Variants in CBFA2T2 observed in about 807,000 individuals in gnomAD.
CBFA2T2 encodes the protein CBFA2/RUNX1 partner transcriptional co-repressor 2.
Under a neutral mutation model 62.2 loss-of-function variants are expected in CBFA2T2, and 11 were observed. The observed-to-expected ratio is 0.18, with a 90% CI of 0.11 to 0.29. The LOEUF (loss-of-function observed/expected upper bound fraction) is 0.29. Among genes scored for constraint, CBFA2T2 ranks in the 10% least tolerant of loss-of-function variants. The probability of loss-of-function intolerance (pLI) is 1.00; values close to 1 mark genes in which losing one functional copy is unlikely to be tolerated. For synonymous variants in CBFA2T2, 295 were observed against 287.5 expected (o/e 1.03, Z -0.27); for missense variants, 592 against 774.1 (o/e 0.76, Z 2.79).
intron 1 of CBFA2T2, among the ~76,000 whole-genome samples, chr20:33,562,965 A>T (rs2013145058): frequency 6.6e-6 from 1 of 152,184 alleles, no homozygotes; most frequent in African/African-American, 2.4e-5. Context: ...ATATTTCTGT[A>T]AGGTTTTCCA....
intron 3 of CBFA2T2, among the ~76,000 whole-genome samples, chr20:33,615,007 C>A (rs568747385): frequency 6.6e-6 from 1 of 152,178 alleles, no homozygotes; most frequent in Non-Finnish European, 1.5e-5. Context: ...TATGAACATT[C>A]TTTTACACGT....
At chr20:33,594,244 C>T (rs888727202) in intron 1 of CBFA2T2, among the ~76,000 whole-genome samples, 2 of 151,796 alleles carry the variant, frequency 1.3e-5, no homozygotes, top group Non-Finnish European at 2.9e-5. Flanking sequence ...TTTTTTGAGA[C>T]GGAGTCTCAC....
chr20:33,527,746 G>C (rs1447247156), intron 1 of CBFA2T2, among the ~76,000 whole-genome samples: 1 of 151,286 alleles, frequency 6.6e-6, no homozygotes, highest in Admixed American at 6.6e-5. Flanking sequence ...GTTTTGCCTT[G>C]TTAACCAGTT....
intron 3 of CBFA2T2, chr20:33,618,443 C>G (rs1444672774): frequency 2.0e-5 from 3 of 152,118 alleles, no homozygotes; most frequent in African/African-American, 7.2e-5. Flanking sequence ...GTTCATTCCC[C>G]TTAGCAGAGT....
intron 3 of CBFA2T2, among the ~76,000 whole-genome samples, chr20:33,617,541 C>G (rs966222267): frequency 6.6e-6 from 1 of 152,162 alleles, no homozygotes; most frequent in African/African-American, 2.4e-5. Context: ...CCATCCTTTC[C>G]CCTTGTCTAC....
At chr20:33,629,605 C>T in intron 7 of CBFA2T2, 114 bp from the exon 8 acceptor site, 4 of 950,578 alleles carry the variant, frequency 4.2e-6, no homozygotes, top group Non-Finnish European at 6.4e-6. Context: ...ACTTGATATT[C>T]CTAAATCTGT....
intron 1 of CBFA2T2, chr20:33,573,854 C>T (rs2013687904): frequency 9.0e-6 from 2 of 222,572 alleles, no homozygotes; most frequent in South Asian, 6.1e-5. Context: ...CATCATGGCT[C>T]ACTGCAGCCT....
intron 3 of CBFA2T2, among the ~76,000 whole-genome samples, chr20:33,614,526 C>T (rs528990696): frequency 6.6e-6 from 1 of 152,278 alleles, no homozygotes; most frequent in South Asian, 2.1e-4. Context: ...CTCTTTTCAT[C>T]TTGCAAAACT....
At position 33,629,783 on chromosome 20, in the gene CBFA2T2, G is replaced by C; in HGVS notation, c.1097G>C (p.Cys366Ser). ...TRRSMAVLRRCQESDREELNY... is the reference protein window; with the variant it reads ...TRRSMAVLRRSQESDREELNY... Reference sequence around the variant, plus strand: ...CGCTCTATGGCAGTTCTGCGGCGCTGTCAGGAATCAGATCGTGAAGAACTC... The same window carrying C: ...CGCTCTATGGCAGTTCTGCGGCGCTCTCAGGAATCAGATCGTGAAGAACTC... Residue 366 changes from cysteine to serine, a missense_variant, in exon 8 of 11, where the codon TGT (cysteine) becomes TCT (serine). Physicochemically the swap from Cys to Ser is moderately radical, Grantham distance 112. Coordinates refer to ENST00000342704, the MANE Select transcript of CBFA2T2 (RefSeq NM_001032999.3). 1 of 1,614,154 alleles carries C rather than the reference G, an allele frequency of 6.2e-7. No homozygotes were observed.
chr20:33,496,139 T>C (rs903069683), intron 1 of CBFA2T2, among the ~76,000 whole-genome samples: 10 of 152,032 alleles, frequency 6.6e-5, no homozygotes, highest in African/African-American at 2.4e-4. Flanking sequence ...GCTAAAGGGG[T>C]GACATTAAAC....
chr20:33,553,944 A>G (rs2012815691), intron 1 of CBFA2T2, among the ~76,000 whole-genome samples: 1 of 152,080 alleles, frequency 6.6e-6, no homozygotes. Flanking sequence ...TAGTAGGCAT[A>G]TGCTTTTGTT....
rs184621432 is a variant in CBFA2T2 at position 33,506,547 on chromosome 20, C to T, written c.34+16246C>T. ...TGCCAAGGTAGGTAAGATTCGGTCCCGGTCCTCAGTGATTTTCTAGTTTTC... is the reference window on the plus strand; with the variant it reads ...TGCCAAGGTAGGTAAGATTCGGTCCTGGTCCTCAGTGATTTTCTAGTTTTC... On this transcript the variant is annotated intron_variant, in intron 1 of 10. Transcript: ENST00000342704. 1.7e-3 allele frequency among the ~76,000 whole-genome samples: 264 copies of T among 152,256 alleles called. 2 individuals are homozygous for T. The highest frequency in any genetic ancestry group is 1.6e-3 in the Non-Finnish European group (111 of 68,032).
intron 1 of CBFA2T2, among the ~76,000 whole-genome samples, chr20:33,526,730 CAA>C (rs56981202): frequency 6.2e-5 from 9 of 145,814 alleles, no homozygotes; most frequent in East Asian, 2.0e-4. Context: ...GCCAAATTTT[CAA>C]AAAAAAAAAT....
intron 1 of CBFA2T2, among the ~76,000 whole-genome samples, chr20:33,528,498 CTCTT>C (rs1273399948): frequency 6.6e-6 from 1 of 152,176 alleles, no homozygotes; most frequent in East Asian, 1.9e-4. Context: ...CTATTTTTCT[CTCTT>C]TTTTGAATCA....
chr20:33,640,292 G>A, intron 9 of CBFA2T2, 49 bp from the exon 10 acceptor site: 1 of 1,550,042 alleles, frequency 6.5e-7, no homozygotes, highest in Admixed American at 1.8e-5. Context: ...CGTGGGATGG[G>A]AGGGAAAAGA....
chr20:33,535,957 C>G (rs2012207045), intron 1 of CBFA2T2, among the ~76,000 whole-genome samples: 1 of 152,196 alleles, frequency 6.6e-6, no homozygotes, highest in African/African-American at 2.4e-5. Flanking sequence ...GTGGACACAG[C>G]ACATGTTTCA....
chr20:33,627,762 CAG>C (rs1448502692), intron 6 of CBFA2T2, among the ~76,000 whole-genome samples: 12 of 152,156 alleles, frequency 7.9e-5, no homozygotes, highest in Non-Finnish European at 1.0e-4. Flanking sequence ...AGACTGGTAA[CAG>C]GGGTGTTGTG....
At chr20:33,586,140 TA>T (rs1190836405) in intron 1 of CBFA2T2, among the ~76,000 whole-genome samples, 2 of 152,216 alleles carry the variant, frequency 1.3e-5, no homozygotes, top group Non-Finnish European at 2.9e-5. Flanking sequence ...ATATTGTGAT[TA>T]TTATCATTAT....
Position 33,624,997 on chromosome 20 carries a change from G to A in CBFA2T2, c.926G>A (p.Arg309His), listed in dbSNP as rs763801681. ...PNKMLEHREVRDRHHSLGLNG... is the reference protein window; with the variant it reads ...PNKMLEHREVHDRHHSLGLNG... ...AAGATGCTAGAGCATCGAGAAGTTC[G>A]TGATAGACACCACAGTCTTGGTAAG... The change falls in exon 6 of 11, where the codon CGT (arginine) becomes CAT (histidine). Residue 309 changes from arginine (R) to histidine (H), a missense_variant. Transcript: ENST00000342704. The A allele has an allele frequency of 8.1e-6, 13 of 1,613,714 alleles. No individual in the cohort carries two copies. Among genetic ancestry groups the A allele is most frequent in the South Asian group, 5.5e-5 (5 of 91,050 alleles).
Sources: allele counts gnomAD v4.1 joint callset (sites outside exome capture counted in the v4.1 genomes callset), GRCh38; gene constraint gnomAD v4.1.1; transcripts MANE v1.5; gene names NCBI Gene and HGNC (gene_info 2026-07-23, HGNC 2026-07-21).